SOX6: variants seen among roughly 807,000 people sequenced by gnomAD.
SOX6 encodes the protein transcription factor SOX-6.
In SOX6, 11 loss-of-function variants were observed where a neutral mutation model predicts 97.8. That is an observed-to-expected ratio of 0.11 (90% CI 0.07 to 0.19). The LOEUF is 0.19. Among genes scored for constraint, SOX6 ranks in the 10% least tolerant of loss-of-function variants. The pLI, the probability that SOX6 is intolerant of heterozygous loss-of-function variation, is 1.00. For synonymous variants in SOX6, 360 were observed against 371.4 expected (o/e 0.97, Z 0.35); for missense variants, 810 against 1,039.5 (o/e 0.78, Z 3.04).
At position 16,505,719 on chromosome 11, in the gene SOX6, T is replaced by G. The variant is rs545983051; in HGVS notation, n.610-29331A>C. ...AAGGGAAAAATGGTTCTGTGAGCCA[T>G]ACTCAGGGCCCCGACTGCTCTATGC... On this transcript the variant is annotated intron_variant and non_coding_transcript_variant, in intron 4 of 5. Coordinates refer to the SOX6 transcript ENST00000524520. Among the ~76,000 whole-genome samples the G allele has an allele frequency of 5.3e-5, 8 of 152,308 alleles. No homozygotes were observed. The South Asian group carries it at 1.7e-3, about 32-fold the overall frequency.
chr11:16,492,524 C>T (rs1360091707), intron 4 of SOX6, among the ~76,000 whole-genome samples: 1 of 152,210 alleles, frequency 6.6e-6, no homozygotes, highest in Non-Finnish European at 1.5e-5. Context: ...TCTCCTCCTT[C>T]AGGAAGGCTT....
chr11:16,244,285 T>G (rs1368819826), intron 3 of SOX6, among the ~76,000 whole-genome samples: 1 of 151,912 alleles, frequency 6.6e-6, no homozygotes, highest in South Asian at 2.1e-4. Context: ...CATATTTTCA[T>G]ATGCTTTTTG....
chr11:16,389,008 T>C (rs1207391665), intron 1 of SOX6, among the ~76,000 whole-genome samples: 2 of 152,200 alleles, frequency 1.3e-5, no homozygotes, highest in Admixed American at 1.3e-4. Flanking sequence ...TTAGACCTTT[T>C]AATATTGTCA....
At chr11:16,724,059 A>G (rs778456857) in intron 2 of SOX6, among the ~76,000 whole-genome samples, 6 of 152,224 alleles carry the variant, frequency 3.9e-5, no homozygotes, top group Admixed American at 1.3e-4. Context: ...TAATTTTTAA[A>G]TTACTGAATA....
intron 6 of SOX6, among the ~76,000 whole-genome samples, chr11:16,176,909 A>G (rs1851202652): frequency 6.6e-6 from 1 of 151,890 alleles, no homozygotes; most frequent in African/African-American, 2.4e-5. Context: ...AAGCTCAGAC[A>G]AGCCTCTGGT....
chr11:16,033,699 C>G (rs908333114), intron 12 of SOX6, among the ~76,000 whole-genome samples: 19 of 152,038 alleles, frequency 1.2e-4, no homozygotes, highest in Non-Finnish European at 2.4e-4. Context: ...GGTGAAACCC[C>G]ATCTCTACTA....
chr11:16,543,548 T>C (rs1303438879), intron 4 of SOX6, among the ~76,000 whole-genome samples: 1 of 152,124 alleles, frequency 6.6e-6, no homozygotes, highest in African/African-American at 2.4e-5. Context: ...AAATCATATC[T>C]AAGTAGGGCC....
In SOX6 at chr11:16,370,268, C is replaced by T. The variant is rs373241063; in HGVS notation, c.-4-29016G>A. Among the ~76,000 whole-genome samples, 20 of 152,062 alleles carry T rather than the reference C, an allele frequency of 1.3e-4. 1 individual carries two copies. Among genetic ancestry groups the T allele is most frequent in the Admixed American group, 6.6e-4 (10 of 15,252 alleles). ...TGGGTTACCTCAGCCTCCTTTTTTG[C>T]TTTTTTAGTTTTCCAATGCCTATGT... On this transcript the variant is annotated intron_variant, in intron 1 of 15. Coordinates refer to the SOX6 transcript ENST00000396356.
intron 7 of SOX6, among the ~76,000 whole-genome samples, chr11:16,109,816 C>A (rs1849185019): frequency 6.6e-6 from 1 of 151,894 alleles, no homozygotes. Context: ...AAAGTAAACA[C>A]TTTTTTTTAC....
intron 13 of SOX6, among the ~76,000 whole-genome samples, chr11:16,005,407 A>G (rs1055199190): frequency 3.3e-5 from 5 of 151,958 alleles, no homozygotes; most frequent in African/African-American, 1.2e-4. Flanking sequence ...GAAGAAAAGA[A>G]GAGACCATTA....
intron 4 of SOX6, among the ~76,000 whole-genome samples, chr11:16,559,248 T>C (rs77586490): frequency 0.014 from 2,145 of 152,192 alleles, 42 homozygotes; most frequent in East Asian, 0.052. Context: ...TGAAACTCTT[T>C]CAAACATCAC....
At position 16,485,182 on chromosome 11, in the gene SOX6, C is replaced by T. The variant is rs141284969; in HGVS notation, n.610-8794G>A. ...GAGATAGGATTGCATAAATTTGACA[C>T]ATTTTTACAACTGCCAACACTTTAC... is the stretch of plus-strand genomic sequence containing the variant. On this transcript the variant is annotated intron_variant and non_coding_transcript_variant, in intron 4 of 5. Transcript: ENST00000524520. Among the ~76,000 whole-genome samples, 8 of 152,280 alleles carry T rather than the reference C, an allele frequency of 5.3e-5. No individual in the cohort carries two copies. In the East Asian group the frequency reaches 1.5e-3, roughly 29 times the overall value.
chr11:16,219,654 T>C lies in SOX6; in HGVS notation c.535+14928A>G, dbSNP rs532710108. 7.9e-5 allele frequency among the ~76,000 whole-genome samples: 12 copies of C among 152,148 alleles called. No individual in the cohort carries two copies. The South Asian group carries it at 2.5e-3, about 32-fold the overall frequency. On this transcript the variant is annotated intron_variant, in intron 4 of 15. Transcript: ENST00000683767. ...ATGCTTATTTCAAGGCCCTTATTCA[T>C]AAAAATACCATTTGGATGAAAATAC...
intron 1 of SOX6, among the ~76,000 whole-genome samples, chr11:16,343,010 C>T (rs1202568451): frequency 6.6e-6 from 1 of 151,698 alleles, no homozygotes; most frequent in Non-Finnish European, 1.5e-5. Context: ...AGTGCTATAT[C>T]AATAAATCAG....
chr11:16,577,581 A>G (rs1031123164), intron 4 of SOX6, among the ~76,000 whole-genome samples: 5 of 152,156 alleles, frequency 3.3e-5, no homozygotes, highest in Non-Finnish European at 7.4e-5. Flanking sequence ...ACCTTTGCCA[A>G]CATTTTTTAG....
chr11:16,113,225 G>A lies in SOX6; in HGVS notation c.778-1302C>T, dbSNP rs762014094. 5.9e-4 allele frequency among the ~76,000 whole-genome samples: 90 copies of A among 152,152 alleles called. 1 individual carries two copies. Among genetic ancestry groups the A allele is most frequent in the Non-Finnish European group, 1.0e-3 (70 of 68,024 alleles). ...AGTTTTTCTCTAGGGAAAGCCCTAA[G>A]ATGTGGGTTAATAAAGGGCAAGCAA... On this transcript the variant is annotated intron_variant, in intron 6 of 15. Transcript: ENST00000683767.
At chr11:16,563,802 A>G (rs1280588268) in intron 4 of SOX6, among the ~76,000 whole-genome samples, 3 of 152,224 alleles carry the variant, frequency 2.0e-5, no homozygotes, top group Non-Finnish European at 2.9e-5. Flanking sequence ...ATTCATGCAA[A>G]GATACATCAT....
At chr11:16,266,127 T>C (rs1854078128) in intron 3 of SOX6, among the ~76,000 whole-genome samples, 2 of 151,866 alleles carry the variant, frequency 1.3e-5, no homozygotes, top group South Asian at 4.1e-4. Flanking sequence ...AGGTACATCA[T>C]AATTAACTTG....
At chr11:16,561,578 G>T (rs547468395) in intron 4 of SOX6, among the ~76,000 whole-genome samples, 1 of 152,140 alleles carries the variant, frequency 6.6e-6, no homozygotes, top group Admixed American at 6.5e-5. Context: ...AACAAAAATT[G>T]TTCTAAAACT....
Sources: gnomAD v4.1 joint callset for allele counts (sites outside exome capture counted in the v4.1 genomes callset) on GRCh38, gnomAD v4.1.1 for gene constraint, MANE v1.5 for transcripts, NCBI Gene and HGNC (gene_info 2026-07-23, HGNC 2026-07-21) for gene names.